GLT1D1: variants seen among roughly 807,000 people sequenced by gnomAD.
GLT1D1 encodes glycosyltransferase 1 domain-containing protein 1.
GLT1D1 carries 21 observed loss-of-function variants against 28.7 expected under a neutral mutation model. That is an observed-to-expected ratio of 0.73 (90% CI 0.52 to 1.05). The LOEUF (loss-of-function observed/expected upper bound fraction) is 1.05. Among genes scored for constraint, GLT1D1 ranks in the 50% least tolerant of loss-of-function variants. The pLI is 0.00. For missense variants in GLT1D1, 343 were observed against 330.6 expected, an observed-to-expected ratio of 1.04 and a Z score of -0.29; for synonymous variants, 147 against 124.8, an observed-to-expected ratio of 1.18 and a Z score of -1.19.
intron 4 of GLT1D1, among the ~76,000 whole-genome samples, chr12:128,908,196 C>T (rs1326853969): frequency 1.3e-5 from 2 of 152,024 alleles, no homozygotes; most frequent in African/African-American, 4.8e-5. Context: ...GGTGTGAGTC[C>T]CCGCGCCTGG....
At chr12:128,957,696 T>G in intron 7 of GLT1D1, 53 bp downstream of exon 11, 2 of 1,168,902 alleles carry the variant, frequency 1.7e-6, no homozygotes. Context: ...ATAGTTTTCC[T>G]CTATGTTTAA....
chr12:128,956,743 C>T (rs1298369795), intron 6 of GLT1D1, among the ~76,000 whole-genome samples: 1 of 152,170 alleles, frequency 6.6e-6, no homozygotes, highest in Non-Finnish European at 1.5e-5. Context: ...CCTTTCATTT[C>T]CCTCTCATGA....
chr12:128,917,167 A>G (rs892300756), intron 4 of GLT1D1, among the ~76,000 whole-genome samples: 3 of 152,170 alleles, frequency 2.0e-5, no homozygotes, highest in East Asian at 1.9e-4. Flanking sequence ...GTGGCCTTCC[A>G]TTATCTATGC....
At chr12:128,866,113 G>C (rs1023700598) in intron 1 of GLT1D1, among the ~76,000 whole-genome samples, 4 of 148,086 alleles carry the variant, frequency 2.7e-5, no homozygotes, top group Non-Finnish European at 5.9e-5. Flanking sequence ...CTGTTGCCCA[G>C]GCTGGAGTGC....
intron 4 of GLT1D1, among the ~76,000 whole-genome samples, chr12:128,937,058 T>A (rs1874638492): frequency 2.6e-5 from 4 of 152,230 alleles, no homozygotes; most frequent in Admixed American, 2.6e-4. Flanking sequence ...AAATTTGATT[T>A]CTTTCCTTGA....
chr12:128,928,019 A>C (rs532638461), intron 4 of GLT1D1, among the ~76,000 whole-genome samples: 38 of 150,226 alleles, frequency 2.5e-4, no homozygotes, highest in Middle Eastern at 3.4e-3. Context: ...AAAAAAAAAA[A>C]AAAAAACAAA....
chr12:128,894,296 A>G (rs974329881), intron 3 of GLT1D1, among the ~76,000 whole-genome samples: 1 of 152,122 alleles, frequency 6.6e-6, no homozygotes, highest in African/African-American at 2.4e-5. Context: ...GGAGGCAGAA[A>G]GGAAAGCTCG....
chr12:128,893,299 G>A (rs567025522), intron 3 of GLT1D1, among the ~76,000 whole-genome samples: 1 of 152,064 alleles, frequency 6.6e-6, no homozygotes, highest in Non-Finnish European at 1.5e-5. Context: ...GCAAAAGAGA[G>A]TTTGTATAAA....
intron 4 of GLT1D1, among the ~76,000 whole-genome samples, chr12:128,925,172 ATCTTT>A (rs1206679049): frequency 6.6e-6 from 1 of 151,240 alleles, no homozygotes; most frequent in African/African-American, 2.4e-5. Flanking sequence ...GTGTTTGTTT[ATCTTT>A]TCTTCAACTT....
chr12:128,969,217 C>T (rs1227599681), intron 7 of GLT1D1, among the ~76,000 whole-genome samples: 1 of 148,926 alleles, frequency 6.7e-6, no homozygotes, highest in African/African-American at 2.6e-5. Context: ...GTCTCTGTTT[C>T]TCTCATTGTC....
chr12:128,856,792 C>T (rs972046148), intron 1 of GLT1D1, among the ~76,000 whole-genome samples: 3 of 152,086 alleles, frequency 2.0e-5, no homozygotes, highest in Admixed American at 2.0e-4. Flanking sequence ...GATGGTGAAA[C>T]CCCATCTCTG....
At position 128,899,252 on chromosome 12, in the gene GLT1D1, A is replaced by G. The variant is rs774637504; in HGVS notation, c.340A>G (p.Thr114Ala). The change falls in exon 4 of 8, where the codon ACA (threonine) becomes GCA (alanine). Residue 114 changes from threonine (T) to alanine (A), a missense_variant. Physicochemically the swap from Thr to Ala is moderately conservative, Grantham distance 58. Transcript: ENST00000281703. ...ATTTACTAGATTTGCTGTCGCTTTC[A>G]CAGAGTCAATGAAGGAAATGGCACA... 3 of 1,613,392 alleles carry G rather than the reference A, an allele frequency of 1.9e-6. No homozygotes were observed. Among genetic ancestry groups the G allele is most frequent in the Non-Finnish European group, 2.5e-6 (3 of 1,179,334 alleles).
intron 4 of GLT1D1, among the ~76,000 whole-genome samples, chr12:128,899,592 T>C (rs1360278753): frequency 1.5e-4 from 21 of 141,672 alleles, no homozygotes; most frequent in African/African-American, 5.1e-4. Context: ...CTCTGTCACC[T>C]AGGCTGGAGT....
intron 4 of GLT1D1, among the ~76,000 whole-genome samples, chr12:128,932,565 G>A (rs1566146064): frequency 6.6e-6 from 1 of 152,196 alleles, no homozygotes; most frequent in Non-Finnish European, 1.5e-5. Flanking sequence ...TATAATTAAA[G>A]CAGCCCTAGG....
intron 6 of GLT1D1, among the ~76,000 whole-genome samples, chr12:128,950,987 C>T (rs1375881776): frequency 1.3e-5 from 2 of 152,172 alleles, no homozygotes; most frequent in African/African-American, 4.8e-5. Context: ...CAGTTAATAA[C>T]GATATCCTTG....
intron 1 of GLT1D1, among the ~76,000 whole-genome samples, chr12:128,869,519 A>G (rs543847693): frequency 2.2e-4 from 34 of 152,158 alleles, no homozygotes; most frequent in South Asian, 8.3e-4. Context: ...TGATATAAAT[A>G]GAATATTTAT....
At chr12:128,967,200 G>GTGGGT (rs772285515) in intron 7 of GLT1D1, among the ~76,000 whole-genome samples, 8,841 of 152,292 alleles carry the variant, frequency 0.058, 848 homozygotes, top group African/African-American at 0.2. Context: ...CATTTATCCA[G>GTGGGT]AATGGGCTGG....
intron 6 of GLT1D1, among the ~76,000 whole-genome samples, chr12:128,956,738 C>A (rs2135513664): frequency 6.6e-6 from 1 of 152,320 alleles, no homozygotes; most frequent in East Asian, 1.9e-4. Context: ...TCTTTCCTTT[C>A]ATTTCCCTCT....
intron 7 of GLT1D1, among the ~76,000 whole-genome samples, chr12:128,962,990 G>A (rs73153472): frequency 0.21 from 32,060 of 152,098 alleles, 4,145 homozygotes; most frequent in Non-Finnish European, 0.3. Context: ...ATGAGCCACC[G>A]CGCCCAGCCA....
Sources: gnomAD v4.1 joint callset for allele counts (sites outside exome capture counted in the v4.1 genomes callset) on GRCh38, gnomAD v4.1.1 for gene constraint, MANE v1.5 for transcripts, NCBI Gene and HGNC (gene_info 2026-07-23, HGNC 2026-07-21) for gene names.